Variants in GSE1 observed in about 807,000 individuals in gnomAD.
GSE1 encodes the protein Gse1 coiled-coil protein, also known as genetic suppressor element 1.
A neutral mutation model predicts 112.6 loss-of-function variants in GSE1; 32 were observed. The observed-to-expected ratio is 0.28, with a 90% CI of 0.21 to 0.38. GSE1 has a LOEUF of 0.38. Ranked by LOEUF, GSE1 falls within the 10% of genes least tolerant of loss-of-function variation. GSE1 has a pLI of 1.00. For synonymous variants in GSE1, 1,115 were observed against 735.6 expected (o/e 1.52, Z -8.35); for missense variants, 2,348 against 1,699.2 (o/e 1.38, Z -6.71).
intron 2 of GSE1, among the ~76,000 whole-genome samples, chr16:85,484,799 G>A (rs758668506): frequency 6.6e-6 from 1 of 152,216 alleles, no homozygotes; most frequent in Non-Finnish European, 1.5e-5. Context: ...GCCTGGGGTG[G>A]CCCCTCTTCT....
At position 85,235,999 on chromosome 16, in the gene GSE1, GGGCTGAGGCTGGGCCTGGGGCTGC is replaced by G. The variant is rs1398413522; in HGVS notation, c.2283+64198_2283+64221del. Among the ~76,000 whole-genome samples, 490 of 151,326 alleles carry G rather than the reference GGGCTGAGGCTGGGCCTGGGGCTGC, an allele frequency of 3.2e-3. 2 individuals are homozygous for G. The highest frequency in any genetic ancestry group is 5.6e-3 in the Non-Finnish European group (375 of 67,368). ...GGGCCTGGGCCTGGGCCTGGGCCTG[GGGCTGAGGCTGGGCCTGGGGCTGC>G]GGCTGGGGCTGGGGCTGGGGCTGGG... On this transcript the variant is annotated intron_variant, in intron 1 of 2. Coordinates refer to the GSE1 transcript ENST00000637419.
intron 2 of GSE1, among the ~76,000 whole-genome samples, chr16:85,503,710 A>G (rs888208418): frequency 6.6e-6 from 1 of 152,234 alleles, no homozygotes; most frequent in African/African-American, 2.4e-5. Flanking sequence ...AGAAAAAGGC[A>G]GTGTCGAAGC....
chr16:85,361,525 GGCCCCCTGCCATGGTGGC>G (rs1293093462), intron 2 of GSE1, among the ~76,000 whole-genome samples: 1 of 152,156 alleles, frequency 6.6e-6, no homozygotes, highest in African/African-American at 2.4e-5. Flanking sequence ...CTGTCTCTCT[GGCCCCCTGCCATGGTGGC>G]CCCACCCTGG....
intron 2 of GSE1, among the ~76,000 whole-genome samples, chr16:85,472,706 C>T (rs1239063683): frequency 6.6e-6 from 1 of 152,190 alleles, no homozygotes; most frequent in Non-Finnish European, 1.5e-5. Flanking sequence ...CTGCTGTCTG[C>T]GGCTCTGTCT....
intron 1 of GSE1, among the ~76,000 whole-genome samples, chr16:85,238,617 G>A (rs1904912653): frequency 6.6e-6 from 1 of 152,180 alleles, no homozygotes; most frequent in Non-Finnish European, 1.5e-5. Context: ...CCCCTTGGAG[G>A]AGCCAGGCAG....
chr16:85,232,961 G>A (rs1259813342), intron 1 of GSE1, among the ~76,000 whole-genome samples: 3 of 152,256 alleles, frequency 2.0e-5, no homozygotes, highest in East Asian at 1.9e-4. Context: ...TCCACATGGC[G>A]GGGGCCACGT....
intron 10 of GSE1, 52 bp from the exon 11 acceptor site, chr16:85,663,292 A>G: frequency 6.3e-7 from 1 of 1,596,578 alleles, no homozygotes; most frequent in South Asian, 1.1e-5. Context: ...GGACAGTGCA[A>G]GCATACCACT....
chr16:85,411,613 C>G (rs1259247809), intron 2 of GSE1, among the ~76,000 whole-genome samples: 19 of 17,618 alleles, frequency 1.1e-3, no homozygotes, highest in Admixed American at 1.5e-3. Flanking sequence ...CAGGGCCCCC[C>G]CGGATAATTC....
At chr16:85,664,924 C>T in intron 11 of GSE1, 91 bp from the exon 12 acceptor site, 1 of 858,168 alleles carries the variant, frequency 1.2e-6, no homozygotes, top group South Asian at 1.5e-5. Flanking sequence ...AGTGCTTTGC[C>T]TGCCCCTCAA....
intron 1 of GSE1, among the ~76,000 whole-genome samples, chr16:85,173,053 C>T (rs1215558384): frequency 1.3e-5 from 2 of 152,174 alleles, no homozygotes; most frequent in Non-Finnish European, 2.9e-5. Flanking sequence ...ACGTCGTCTC[C>T]CGTCACAGAT....
intron 2 of GSE1, among the ~76,000 whole-genome samples, chr16:85,453,120 G>A (rs2049731384): frequency 1.3e-5 from 2 of 152,336 alleles, no homozygotes; most frequent in East Asian, 1.9e-4. Context: ...TGTAAAATGG[G>A]GGCAGGGGGT....
At chr16:85,233,568 G>A (rs1904317109) in intron 1 of GSE1, among the ~76,000 whole-genome samples, 1 of 152,184 alleles carries the variant, frequency 6.6e-6, no homozygotes, top group Non-Finnish European at 1.5e-5. Flanking sequence ...TTGCATGTAT[G>A]CGGTGTGTGA....
intron 1 of GSE1, among the ~76,000 whole-genome samples, chr16:85,577,846 G>T (rs1041278632): frequency 2.6e-5 from 4 of 152,196 alleles, no homozygotes; most frequent in Admixed American, 1.3e-4. Flanking sequence ...TCCTCCAGGG[G>T]CTCCAGCATT....
rs986356763 is a variant in GSE1, at chr16:85,419,858, A to G, written c.2464+62215A>G. On this transcript the variant is annotated intron_variant, in intron 2 of 2. Coordinates refer to the GSE1 transcript ENST00000637419. The surrounding 1 kb of genome is among the most constrained non-coding windows in gnomAD (Gnocchi z 6.5). ...CACAGGTGAAGTGGAGTGGGCAGCC[A>G]GGGCTGACCACCACTGCTCTGGGAG... Among the ~76,000 whole-genome samples the G allele has an allele frequency of 3.4e-5, 5 of 148,266 alleles. No homozygotes were observed. Among genetic ancestry groups the G allele is most frequent in the African/African-American group, 4.9e-5 (2 of 40,592 alleles).
chr16:85,219,095 G>C (rs559080685), intron 1 of GSE1, among the ~76,000 whole-genome samples: 2 of 152,124 alleles, frequency 1.3e-5, no homozygotes, highest in Non-Finnish European at 2.9e-5. Flanking sequence ...TAGCCAGGAT[G>C]GTCTTGATCT....
intron 1 of GSE1, among the ~76,000 whole-genome samples, chr16:85,345,906 G>C (rs188725118): frequency 4.6e-5 from 7 of 152,322 alleles, no homozygotes; most frequent in African/African-American, 1.7e-4. Flanking sequence ...TGGATATGTG[G>C]ATGGGTGGAT....
At chr16:85,210,762 T>C (rs2075211384) in intron 1 of GSE1, among the ~76,000 whole-genome samples, 1 of 152,176 alleles carries the variant, frequency 6.6e-6, no homozygotes, top group East Asian at 1.9e-4. Context: ...CCGCTGCCCA[T>C]TGAAACATCC....
At chr16:85,543,756 G>A (rs932043816) in intron 2 of GSE1, among the ~76,000 whole-genome samples, 1 of 152,318 alleles carries the variant, frequency 6.6e-6, no homozygotes, top group East Asian at 1.9e-4. Context: ...GTCACCCAGC[G>A]TGCTGGCTGG....
chr16:85,422,565 G>A (rs1353623143), intron 2 of GSE1, among the ~76,000 whole-genome samples: 1 of 147,602 alleles, frequency 6.8e-6, no homozygotes, highest in African/African-American at 2.5e-5. Flanking sequence ...TGTGGGCCTT[G>A]CCCTGTTCTG....
Sources: allele counts gnomAD v4.1 joint callset (sites outside exome capture counted in the v4.1 genomes callset), GRCh38; gene constraint gnomAD v4.1.1; non-coding constraint Gnocchi (gnomAD v3.1); transcripts MANE v1.5; gene names NCBI Gene and HGNC (gene_info 2026-07-23, HGNC 2026-07-21).